Variants in DAB1 observed in about 807,000 individuals in gnomAD.
DAB1 encodes the protein DAB adaptor protein 1.
In DAB1, 15 loss-of-function variants were observed where a neutral mutation model predicts 64.6. That is an observed-to-expected ratio of 0.23 (90% CI 0.16 to 0.36). DAB1 has a LOEUF of 0.36. Among genes scored for constraint, DAB1 ranks in the 10% least tolerant of loss-of-function variants. DAB1 has a pLI of 1.00. For missense variants in DAB1, 596 were observed against 706.7 expected (o/e 0.84, Z 1.78); for synonymous variants, 235 against 251.9 (o/e 0.93, Z 0.64).
intron 13 of DAB1, 94 bp downstream of exon 13, chr1:57,011,051 T>C: frequency 2.0e-6 from 3 of 1,503,332 alleles, no homozygotes; most frequent in Non-Finnish European, 1.8e-6. Flanking sequence ...CCAGCATTCT[T>C]TTCTATGTAG....
intron 2 of DAB1, among the ~76,000 whole-genome samples, chr1:57,283,754 C>T (rs492781): frequency 0.47 from 71,363 of 152,036 alleles, 17,075 homozygotes; most frequent in Admixed American, 0.61. Context: ...ATCCTAAGAA[C>T]ATAAGTTGTT....
chr1:57,904,885 G>A (rs1644528394), intron 5 of DAB1, among the ~76,000 whole-genome samples: 1 of 152,092 alleles, frequency 6.6e-6, no homozygotes, highest in Non-Finnish European at 1.5e-5. Context: ...AACTGAAATG[G>A]GAACTCACTG....
intron 7 of DAB1, among the ~76,000 whole-genome samples, chr1:57,453,183 T>G (rs1162684210): frequency 6.6e-6 from 1 of 152,168 alleles, no homozygotes; most frequent in African/African-American, 2.4e-5. Context: ...TTTATCATCA[T>G]TTTACAGAGT....
chr1:57,996,396 A>G (rs1646425911), intron 5 of DAB1, among the ~76,000 whole-genome samples: 1 of 152,228 alleles, frequency 6.6e-6, no homozygotes, highest in Admixed American at 6.5e-5. Context: ...AAATCCCATA[A>G]GTAACAAGGT....
chr1:57,741,708 G>C (rs1169822705), intron 6 of DAB1, among the ~76,000 whole-genome samples: 1 of 152,224 alleles, frequency 6.6e-6, no homozygotes, highest in Non-Finnish European at 1.5e-5. Flanking sequence ...AAAGAAGACA[G>C]AGCTCTCAGA....
At chr1:58,530,025 C>T (rs1250157002) in intron 1 of DAB1, among the ~76,000 whole-genome samples, 2 of 151,940 alleles carry the variant, frequency 1.3e-5, no homozygotes, top group African/African-American at 4.8e-5. Flanking sequence ...AGACTACAGG[C>T]GCCCGCCACA....
intron 4 of DAB1, among the ~76,000 whole-genome samples, chr1:58,230,321 A>C (rs971414218): frequency 6.6e-6 from 1 of 152,194 alleles, no homozygotes; most frequent in Non-Finnish European, 1.5e-5. Flanking sequence ...TGGTGAGAAG[A>C]CTTTAAAAAC....
chr1:57,210,200 A>G (rs1185713701), intron 2 of DAB1, among the ~76,000 whole-genome samples: 1 of 152,224 alleles, frequency 6.6e-6, no homozygotes, highest in East Asian at 1.9e-4. Flanking sequence ...TTGTGTTGCT[A>G]GAGCCATCAT....
intron 5 of DAB1, among the ~76,000 whole-genome samples, chr1:57,981,534 AAAG>A (rs1646065459): frequency 6.6e-6 from 1 of 152,224 alleles, no homozygotes; most frequent in African/African-American, 2.4e-5. Flanking sequence ...AAAAATATCA[AAAG>A]AAGATGTGCT....
At chr1:57,800,490 T>C (rs2101871620) in intron 6 of DAB1, among the ~76,000 whole-genome samples, 1 of 152,326 alleles carries the variant, frequency 6.6e-6, no homozygotes, top group Non-Finnish European at 1.5e-5. Flanking sequence ...CTTGATGTGG[T>C]AATTGTGCCA....
intron 8 of DAB1, among the ~76,000 whole-genome samples, chr1:57,065,931 A>G (rs1430421184): frequency 6.7e-6 from 1 of 148,290 alleles, no homozygotes; most frequent in Non-Finnish European, 1.5e-5. Context: ...CCAGTCATTT[A>G]TTTGTTCTAT....
At chr1:58,469,946 G>C (rs1036394822) in intron 3 of DAB1, among the ~76,000 whole-genome samples, 2 of 151,866 alleles carry the variant, frequency 1.3e-5, no homozygotes, top group Admixed American at 6.6e-5. Flanking sequence ...ATCAGGACTT[G>C]AGAGAAGGCT....
intron 14 of DAB1, among the ~76,000 whole-genome samples, 180 bp from the exon 15 acceptor site, chr1:56,998,308 C>A (rs1394374954): frequency 1.3e-5 from 2 of 152,134 alleles, no homozygotes; most frequent in Non-Finnish European, 2.9e-5. Context: ...TTTTTATTAT[C>A]CAAAATAGCT....
At chr1:57,338,389 G>A (rs1677278228) in intron 1 of DAB1, among the ~76,000 whole-genome samples, 1 of 152,004 alleles carries the variant, frequency 6.6e-6, no homozygotes, top group Non-Finnish European at 1.5e-5. Flanking sequence ...ACATAATAAG[G>A]AACACAGAGA....
chr1:58,354,138 T>C (rs1174857446), intron 3 of DAB1, among the ~76,000 whole-genome samples: 1 of 152,080 alleles, frequency 6.6e-6, no homozygotes, highest in African/African-American at 2.4e-5. Flanking sequence ...GAGACTCTGA[T>C]AGGGATGTAA....
At chr1:58,333,620 A>G (rs940740150) in intron 4 of DAB1, among the ~76,000 whole-genome samples, 2 of 152,216 alleles carry the variant, frequency 1.3e-5, no homozygotes, top group Non-Finnish European at 2.9e-5. Flanking sequence ...TCAAGAGAAA[A>G]AGATCTTCTG....
Position 58,216,623 on chromosome 1 carries a change from T to C in DAB1, n.310-66035A>G, listed in dbSNP as rs191616290. ...TCGCCACACCGTCTTCCACAACGGT[T>C]GAACTAACTTACACTCCCACCAACA... On this transcript the variant is annotated intron_variant and non_coding_transcript_variant, in intron 4 of 20. Coordinates refer to the DAB1 transcript ENST00000485760. Among the ~76,000 whole-genome samples the C allele has an allele frequency of 2.6e-3, 401 of 152,342 alleles. 5 individuals carry two copies. Among genetic ancestry groups the C allele is most frequent in the African/African-American group, 9.1e-3 (378 of 41,580 alleles).
chr1:58,351,776 A>T (rs1221925403), intron 3 of DAB1, among the ~76,000 whole-genome samples: 1 of 150,394 alleles, frequency 6.6e-6, no homozygotes, highest in East Asian at 1.9e-4. Context: ...AGGTTAAAAG[A>T]TCAATGTTAA....
chr1:57,189,670 T>C (rs1663937764), intron 2 of DAB1, among the ~76,000 whole-genome samples: 1 of 152,082 alleles, frequency 6.6e-6, no homozygotes, highest in African/African-American at 2.4e-5. Flanking sequence ...TTACTGGTGA[T>C]GGTTAGGCCT....
Sources: allele counts gnomAD v4.1 joint callset (sites outside exome capture counted in the v4.1 genomes callset), GRCh38; gene constraint gnomAD v4.1.1; transcripts MANE v1.5; gene names NCBI Gene and HGNC (gene_info 2026-07-23, HGNC 2026-07-21).